DAPK1: variants seen among roughly 807,000 people sequenced by gnomAD.
The protein encoded by DAPK1 is death associated protein kinase 1.
DAPK1 carries 56 observed loss-of-function variants against 144.9 expected under a neutral mutation model. The observed-to-expected ratio is 0.39, with a 90% CI of 0.31 to 0.48. The LOEUF is 0.48. Ranked by LOEUF, DAPK1 falls within the 20% of genes least tolerant of loss-of-function variation. The pLI, the probability that DAPK1 is intolerant of heterozygous loss-of-function variation, is 0.95. For synonymous variants in DAPK1, 690 were observed against 749.0 expected (o/e 0.92, Z 1.29); for missense variants, 1,454 against 1,875.4 (o/e 0.78, Z 4.15).
At chr9:87,666,483 T>G (rs147035183) in intron 18 of DAPK1, among the ~76,000 whole-genome samples, 6,561 of 148,844 alleles carry the variant, frequency 0.044, 213 homozygotes, top group East Asian at 0.14. Flanking sequence ...TTTTGTTTTT[T>G]TTTTTTTTGA....
chr9:87,621,638 A>T (rs997991801), intron 3 of DAPK1, among the ~76,000 whole-genome samples: 1 of 152,074 alleles, frequency 6.6e-6, no homozygotes, highest in African/African-American at 2.4e-5. Context: ...AGTTCTTTGG[A>T]TGTTGAACAT....
chr9:87,501,907 G>C (rs946353899), intron 2 of DAPK1, among the ~76,000 whole-genome samples: 1 of 152,134 alleles, frequency 6.6e-6, no homozygotes, highest in Non-Finnish European at 1.5e-5. Flanking sequence ...CAGTTTTCTT[G>C]AACAGGCCAT....
intron 2 of DAPK1, among the ~76,000 whole-genome samples, chr9:87,552,025 C>T (rs1299724602): frequency 6.6e-6 from 1 of 151,998 alleles, no homozygotes; most frequent in Non-Finnish European, 1.5e-5. Flanking sequence ...CTGTGATAAC[C>T]AAGATCAAGT....
intron 19 of DAPK1, among the ~76,000 whole-genome samples, chr9:87,674,804 T>G (rs1374220214): frequency 2.6e-5 from 4 of 152,206 alleles, no homozygotes; most frequent in African/African-American, 9.7e-5. Flanking sequence ...ATGTTTAGTC[T>G]TCTTGTCTGA....
chr9:87,637,482 G>A (rs1017556948), intron 3 of DAPK1, among the ~76,000 whole-genome samples: 1 of 152,148 alleles, frequency 6.6e-6, no homozygotes. Flanking sequence ...ACCATATATT[G>A]TGAATTTGAG....
At position 87,651,553 on chromosome 9, in the gene DAPK1, T is replaced by C. The variant is rs766170042; in HGVS notation, c.1653T>C (p.Ala551=). Reference sequence around the variant, plus strand: ...ACGGACACATTGCCCTTCATCTGGCTGTAAGACGGTGTCAGATGGAGGTAA... The same window carrying C: ...ACGGACACATTGCCCTTCATCTGGCCGTAAGACGGTGTCAGATGGAGGTAA... ...DKDGHIALHL[A]VRRCQMEVIK... Residue 551 remains alanine (A), a synonymous_variant, in exon 17 of 26, where the codon GCT becomes GCC. Transcript: ENST00000408954. 3 of 1,614,076 alleles carry C rather than the reference T, an allele frequency of 1.9e-6. No individual in the cohort carries two copies. Among genetic ancestry groups the C allele is most frequent in the African/African-American group, 2.7e-5 (2 of 74,920 alleles).
intron 2 of DAPK1, among the ~76,000 whole-genome samples, chr9:87,564,837 A>C (rs1374782027): frequency 5.9e-5 from 9 of 152,098 alleles, no homozygotes; most frequent in Non-Finnish European, 1.0e-4. Context: ...CTAACACATC[A>C]ACTTGGGGAA....
At chr9:87,510,534 G>A (rs993916484) in intron 2 of DAPK1, among the ~76,000 whole-genome samples, 4 of 152,206 alleles carry the variant, frequency 2.6e-5, no homozygotes, top group African/African-American at 7.2e-5. Flanking sequence ...ATTCCTTCAC[G>A]ATTTGGAGTA....
chr9:87,657,958 G>C (rs1830689325), intron 17 of DAPK1, 71 bp from the exon 18 acceptor site: 1 of 725,626 alleles, frequency 1.4e-6, no homozygotes, highest in Non-Finnish European at 2.6e-6. Flanking sequence ...CCTTAACCTT[G>C]TGTCTCCGGA....
At position 87,571,473 on chromosome 9, in the gene DAPK1, A is replaced by ACACACACACACACC. The variant is rs377253457; in HGVS notation, c.63-33480_63-33479insACACACACACACCC. 2.2e-3 allele frequency among the ~76,000 whole-genome samples: 129 copies of ACACACACACACACC among 57,632 alleles called. 21 individuals carry two copies. The Middle Eastern group carries it at 0.03, about 13-fold the overall frequency. The allele number at this position is 57,632 out of a possible 152,430, so 37.8% of individuals were successfully genotyped here. A position where few individuals can be genotyped will look rare whatever the true frequency, so the allele number is the denominator to read the frequency against. On this transcript the variant is annotated intron_variant, in intron 2 of 25. Coordinates refer to ENST00000408954, the MANE Select transcript of DAPK1 (RefSeq NM_004938.4). ...CACACACACACACACACACACACAC[A>ACACACACACACACC]CCAACACACACACACACACACCCCA...
Position 87,639,437 on chromosome 9 carries a change from C to G in DAPK1, c.507C>G (p.Asp169Glu), listed in dbSNP as rs369801129. The G allele has an allele frequency of 1.2e-6, 2 of 1,613,396 alleles. No homozygotes were observed. The highest frequency in any genetic ancestry group is 2.7e-5 in the African/African-American group (2 of 74,842). ...ACTTTGGGTTGGCCCATAAAATTGA[C>G]TTTGGAAATGAATTTAAAAACATAT... Reference protein sequence around the residue: ...IIDFGLAHKIDFGNEFKNIFG... With the variant: ...IIDFGLAHKIEFGNEFKNIFG... The change falls in exon 5 of 26, where the codon GAC (aspartate) becomes GAG (glutamate). Residue 169 changes from aspartate to glutamate, a missense_variant. This residue lies in a region of DAPK1 where 429 missense variants were observed against 637.5 expected (regional missense o/e 0.67). Coordinates refer to ENST00000408954, the MANE Select transcript of DAPK1 (RefSeq NM_004938.4).
chr9:87,545,504 G>C (rs1587705216), intron 2 of DAPK1, among the ~76,000 whole-genome samples: 1 of 152,172 alleles, frequency 6.6e-6, no homozygotes, highest in East Asian at 1.9e-4. Flanking sequence ...AGAATGCTTA[G>C]GCTTGCCTCG....
chr9:87,539,254 T>G (rs1170296193), intron 2 of DAPK1, among the ~76,000 whole-genome samples: 2 of 152,002 alleles, frequency 1.3e-5, no homozygotes, highest in African/African-American at 2.4e-5. Flanking sequence ...GTTTAATATG[T>G]ACGGATGTGT....
At chr9:87,604,355 T>C (rs1381623079) in intron 2 of DAPK1, among the ~76,000 whole-genome samples, 1 of 152,144 alleles carries the variant, frequency 6.6e-6, no homozygotes, top group African/African-American at 2.4e-5. Flanking sequence ...ACCACAAAGA[T>C]CCCTGGGTAG....
At chr9:87,553,495 T>TC (rs1491396915) in intron 2 of DAPK1, 1 of 84,616 alleles carries the variant, frequency 1.2e-5, no homozygotes, top group Non-Finnish European at 3.1e-5. Flanking sequence ...TCTTTTCTTT[T>TC]CTTTTTTTTT....
At chr9:87,669,770 G>GC (rs201217492) in intron 19 of DAPK1, among the ~76,000 whole-genome samples, 7 of 151,774 alleles carry the variant, frequency 4.6e-5, no homozygotes, top group East Asian at 1.9e-4. Context: ...GGGCAGGGGG[G>GC]GGCCACAGAT....
At chr9:87,641,308 C>T (rs934314681) in intron 9 of DAPK1, among the ~76,000 whole-genome samples, 3 of 152,214 alleles carry the variant, frequency 2.0e-5, no homozygotes, top group Non-Finnish European at 4.4e-5. Context: ...TACACCTTTA[C>T]ATTACCTGCC....
intron 2 of DAPK1, among the ~76,000 whole-genome samples, chr9:87,596,188 T>A (rs1216304197): frequency 1.3e-5 from 2 of 152,124 alleles, no homozygotes; most frequent in Non-Finnish European, 2.9e-5. Context: ...GGGGTTAGGA[T>A]CAAAGAAGGG....
At chr9:87,677,657 C>CTG (rs1376433403) in intron 19 of DAPK1, among the ~76,000 whole-genome samples, 4 of 152,216 alleles carry the variant, frequency 2.6e-5, no homozygotes, top group Admixed American at 2.6e-4. Context: ...CCAAGAATCT[C>CTG]TGTGTGGCAG....
Sources: allele counts gnomAD v4.1 joint callset (sites outside exome capture counted in the v4.1 genomes callset), GRCh38; gene constraint gnomAD v4.1.1; regional missense constraint gnomAD v4.1.1; transcripts MANE v1.5; gene names NCBI Gene and HGNC (gene_info 2026-07-23, HGNC 2026-07-21).